Variants in DISC1 observed in about 807,000 individuals in gnomAD.
DISC1 encodes the protein DISC1 scaffold protein.
Under a neutral mutation model 84.5 loss-of-function variants are expected in DISC1, and 57 were observed. The ratio of observed to expected loss-of-function variants is 0.67; its 90% CI spans 0.55 to 0.84. The LOEUF is 0.84. DISC1 is among the 40% of genes least tolerant of loss of function. The probability of loss-of-function intolerance (pLI) is 0.00; values close to 1 mark genes in which losing one functional copy is unlikely to be tolerated. For missense variants in DISC1, 1,000 were observed against 1,057.8 expected (o/e 0.95, Z 0.76); for synonymous variants, 411 against 415.2 (o/e 0.99, Z 0.12).
intron 9 of DISC1, among the ~76,000 whole-genome samples, chr1:231,843,457 G>A (rs920510492): frequency 1.3e-5 from 2 of 152,086 alleles, no homozygotes; most frequent in African/African-American, 4.8e-5. Context: ...TTGCATTGGG[G>A]GGATGAAAAA....
At chr1:231,652,776 A>C (rs1278578259) in intron 1 of DISC1, among the ~76,000 whole-genome samples, 1 of 151,942 alleles carries the variant, frequency 6.6e-6, no homozygotes, top group Non-Finnish European at 1.5e-5. Context: ...TTACACTGTT[A>C]TTTCTTTCTT....
chr1:232,030,557 A>T (rs1323590345), intron 12 of DISC1, among the ~76,000 whole-genome samples: 2 of 152,088 alleles, frequency 1.3e-5, no homozygotes, highest in Admixed American at 1.3e-4. Context: ...GGTTATTTGG[A>T]GTGCATGGTG....
intron 9 of DISC1, among the ~76,000 whole-genome samples, chr1:231,948,199 C>T (rs1657601806): frequency 6.6e-6 from 1 of 152,116 alleles, no homozygotes; most frequent in Non-Finnish European, 1.5e-5. Context: ...AGACTTGGAA[C>T]CAACCCAAAT....
At chr1:231,857,944 C>T (rs2084380996) in intron 9 of DISC1, among the ~76,000 whole-genome samples, 1 of 152,212 alleles carries the variant, frequency 6.6e-6, no homozygotes, top group South Asian at 2.1e-4. Flanking sequence ...CCTGAAGGCA[C>T]TGGAGCATAG....
At chr1:231,747,480 A>G (rs2074122654) in intron 3 of DISC1, among the ~76,000 whole-genome samples, 1 of 152,214 alleles carries the variant, frequency 6.6e-6, no homozygotes, top group Non-Finnish European at 1.5e-5. Context: ...ATATGGATAT[A>G]CAGTTTTCCC....
chr1:231,837,254 C>T (rs948492428), intron 9 of DISC1, among the ~76,000 whole-genome samples: 2 of 152,188 alleles, frequency 1.3e-5, no homozygotes, highest in African/African-American at 4.8e-5. Context: ...AAAGGTCATC[C>T]TGTCTTGCCA....
At chr1:231,959,979 C>T (rs959401733) in intron 10 of DISC1, among the ~76,000 whole-genome samples, 1 of 152,192 alleles carries the variant, frequency 6.6e-6, no homozygotes, top group African/African-American at 2.4e-5. Flanking sequence ...CCGTAAGTTA[C>T]ATTAGGTTAT....
intron 10 of DISC1, chr1:231,959,103 G>A (rs1660032286): frequency 7.8e-7 from 1 of 1,281,960 alleles, no homozygotes; most frequent in African/African-American, 1.5e-5. Flanking sequence ...ATGTTTAAAA[G>A]TGTCTTGGAG....
At chr1:231,680,024 TTGAGA>T (rs1291816009) in intron 1 of DISC1, among the ~76,000 whole-genome samples, 4 of 152,116 alleles carry the variant, frequency 2.6e-5, no homozygotes, top group African/African-American at 9.7e-5. Flanking sequence ...GGTCAGGAGT[TTGAGA>T]CCAGCCTGGC....
chr1:231,983,018 G>A (rs939264914), intron 10 of DISC1, among the ~76,000 whole-genome samples: 5 of 152,144 alleles, frequency 3.3e-5, no homozygotes, highest in Non-Finnish European at 5.9e-5. Context: ...GATATATGAA[G>A]CAGCTACCAC....
At chr1:231,986,349 T>C (rs981681299) in intron 10 of DISC1, among the ~76,000 whole-genome samples, 17 of 152,180 alleles carry the variant, frequency 1.1e-4, no homozygotes, top group African/African-American at 4.1e-4. Flanking sequence ...GTAGGGGAAC[T>C]GATTTTTAGG....
At chr1:231,936,571 A>G (rs975058906) in intron 9 of DISC1, among the ~76,000 whole-genome samples, 1 of 152,224 alleles carries the variant, frequency 6.6e-6, no homozygotes, top group Non-Finnish European at 1.5e-5. Flanking sequence ...TTAAACTAGT[A>G]CAGAGGAAAA....
chr1:231,661,713 T>C lies in DISC1; in HGVS notation c.68-32113T>C, dbSNP rs146681207. Among the ~76,000 whole-genome samples, 344 of 152,328 alleles carry C rather than the reference T, an allele frequency of 2.3e-3. 2 individuals are homozygous for C. Among genetic ancestry groups the C allele is most frequent in the African/African-American group, 7.7e-3 (321 of 41,568 alleles). ...CATGCTCCTTTTACTCAGTGAAGTT[T>C]GTTATTACCCACCTTCTGAAGTCTA... On this transcript the variant is annotated intron_variant, in intron 1 of 12. Coordinates refer to ENST00000439617, the MANE Select transcript of DISC1 (RefSeq NM_018662.3).
intron 9 of DISC1, among the ~76,000 whole-genome samples, chr1:231,823,327 A>G (rs531460528): frequency 2.0e-5 from 3 of 152,322 alleles, no homozygotes; most frequent in Admixed American, 1.3e-4. Context: ...GACAATACAT[A>G]CAACAAAGAT....
chr1:231,633,883 TC>T (rs1186547961), intron 1 of DISC1, among the ~76,000 whole-genome samples: 1 of 122,010 alleles, frequency 8.2e-6, no homozygotes, highest in African/African-American at 3.1e-5. Flanking sequence ...ATACCTGTCA[TC>T]TTTTTTTTTT....
intron 9 of DISC1, among the ~76,000 whole-genome samples, chr1:231,842,459 T>C (rs1332566935): frequency 6.6e-6 from 1 of 152,196 alleles, no homozygotes; most frequent in Admixed American, 6.5e-5. Flanking sequence ...TATTTCAAAG[T>C]ATTATTTATC....
chr1:231,986,885 C>T (rs1468189305), intron 10 of DISC1, among the ~76,000 whole-genome samples: 2 of 152,116 alleles, frequency 1.3e-5, no homozygotes, highest in African/African-American at 4.8e-5. Context: ...AATTAATCCC[C>T]CTCCTGGAAC....
intron 9 of DISC1, among the ~76,000 whole-genome samples, chr1:231,863,240 T>C (rs1428624856): frequency 1.5e-5 from 2 of 133,452 alleles, no homozygotes; most frequent in Non-Finnish European, 1.6e-5. Flanking sequence ...TTTTTTTTTT[T>C]TTTTTTTTTT....
chr1:231,781,182 G>T (rs2077397668), intron 6 of DISC1, among the ~76,000 whole-genome samples: 1 of 109,202 alleles, frequency 9.2e-6, no homozygotes. Context: ...AAAAAGAAAT[G>T]CAGCCTCAGG....
Sources: gnomAD v4.1 joint callset for allele counts (sites outside exome capture counted in the v4.1 genomes callset) on GRCh38, gnomAD v4.1.1 for gene constraint, MANE v1.5 for transcripts, NCBI Gene and HGNC (gene_info 2026-07-23, HGNC 2026-07-21) for gene names.